Variants in KIN observed in about 807,000 individuals in gnomAD.
The protein encoded by KIN is DNA/RNA-binding protein KIN17.
A neutral mutation model predicts 63.0 loss-of-function variants in KIN; 47 were observed. The ratio of observed to expected loss-of-function variants is 0.75; its 90% CI spans 0.59 to 0.95. KIN has a LOEUF of 0.95. Among genes scored for constraint, KIN ranks in the 40% least tolerant of loss-of-function variants. The probability of loss-of-function intolerance (pLI) is 0.00; values close to 1 mark genes in which losing one functional copy is unlikely to be tolerated. For missense variants in KIN, 408 were observed against 460.9 expected (o/e 0.89, Z 1.05); for synonymous variants, 160 against 157.7 (o/e 1.01, Z -0.11).
In KIN at chr10:7,787,904, C is replaced by T; in HGVS notation, c.30G>A (p.Lys10=). The T allele has an allele frequency of 6.2e-7, 1 of 1,614,166 alleles. No individual in the cohort carries two copies. The highest frequency in any genetic ancestry group is 8.5e-7 in the Non-Finnish European group (1 of 1,179,952). Residue 10 remains lysine, a synonymous_variant, in exon 1 of 13, where the codon AAG becomes AAA. Coordinates refer to ENST00000379562, the MANE Select transcript of KIN (RefSeq NM_012311.4). ...TGGACTTGATCCTGTTGGCGATAGC[C>T]TTGGGAGTAAGAAAATCCGACTTCC... The part of the protein sequence containing the change: MGKSDFLTP[K]AIANRIKSKG...
At chr10:7,782,067 A>G (rs1021808090) in intron 2 of KIN, among the ~76,000 whole-genome samples, 1 of 152,150 alleles carries the variant, frequency 6.6e-6, no homozygotes, top group African/African-American at 2.4e-5. Flanking sequence ...CTCAATAATA[A>G]TAACAATAAT....
chr10:7,778,421 C>T (rs1375081121), intron 5 of KIN, among the ~76,000 whole-genome samples: 1 of 152,128 alleles, frequency 6.6e-6, no homozygotes, highest in Non-Finnish European at 1.5e-5. Context: ...AGGAACAGTG[C>T]CCACAGAACT....
intron 2 of KIN, among the ~76,000 whole-genome samples, chr10:7,780,677 A>G (rs1835878968): frequency 6.6e-6 from 1 of 152,218 alleles, no homozygotes; most frequent in South Asian, 2.1e-4. Flanking sequence ...CTGGGACTAC[A>G]GGCGTGAGCC....
intron 7 of KIN, among the ~76,000 whole-genome samples, 167 bp downstream of exon 7, chr10:7,774,663 TA>T (rs879220759): frequency 2.9e-3 from 387 of 134,198 alleles, no homozygotes; most frequent in Middle Eastern, 0.019. Context: ...CCCCATCTCT[TA>T]AAAAAAAAAA....
intron 8 of KIN, among the ~76,000 whole-genome samples, chr10:7,767,199 T>A (rs190136773): frequency 7.6e-4 from 116 of 152,276 alleles, no homozygotes; most frequent in Non-Finnish European, 1.2e-3. Flanking sequence ...TTGGCCCTCC[T>A]GGCTCTCTGA....
intron 8 of KIN, among the ~76,000 whole-genome samples, chr10:7,767,028 A>C (rs1357208639): frequency 1.4e-5 from 2 of 147,506 alleles, no homozygotes; most frequent in Non-Finnish European, 3.0e-5. Flanking sequence ...ATCTCAAAAA[A>C]AAAAAAAAAA....
At chr10:7,758,918 T>G (rs11255344) in intron 12 of KIN, among the ~76,000 whole-genome samples, 2 of 151,606 alleles carry the variant, frequency 1.3e-5, no homozygotes, top group Non-Finnish European at 2.9e-5. Context: ...TAGGTTAGCA[T>G]TGTCAGGATC....
chr10:7,775,253 A>G (rs955741043), intron 6 of KIN, among the ~76,000 whole-genome samples: 1 of 152,242 alleles, frequency 6.6e-6, no homozygotes, highest in Non-Finnish European at 1.5e-5. Context: ...TGTCTAATCC[A>G]ATCAACATAA....
Position 7,771,665 on chromosome 10 carries a change from G to A in KIN, c.669-2320C>T, listed in dbSNP as rs58409834. ...CCCGGCACTTTGGGAGGCTGAGACA[G>A]GTGGATCATTTGAGGTCAGGAGTTT... On this transcript the variant is annotated intron_variant, in intron 7 of 12. Coordinates refer to ENST00000379562, the MANE Select transcript of KIN (RefSeq NM_012311.4). Among the ~76,000 whole-genome samples, 70 of 152,264 alleles carry A rather than the reference G, an allele frequency of 4.6e-4. 4 individuals carry two copies. The East Asian group carries it at 0.013, about 29-fold the overall frequency.
intron 5 of KIN, among the ~76,000 whole-genome samples, chr10:7,778,125 A>G (rs1356790019): frequency 6.6e-6 from 1 of 152,070 alleles, no homozygotes; most frequent in African/African-American, 2.4e-5. Flanking sequence ...CTGGGGTTGT[A>G]TCCACCCTCA....
At chr10:7,767,831 C>T (rs554376760) in intron 8 of KIN, among the ~76,000 whole-genome samples, 5 of 147,240 alleles carry the variant, frequency 3.4e-5, no homozygotes, top group Admixed American at 1.4e-4. Flanking sequence ...TGCACTCCAG[C>T]CTGAGTGACA....
intron 5 of KIN, 129 bp from the exon 6 acceptor site, chr10:7,775,928 T>C: frequency 3.7e-6 from 2 of 535,338 alleles, no homozygotes; most frequent in Non-Finnish European, 6.6e-6. Flanking sequence ...AGATCCTAAT[T>C]AAGAAATTAC....
At chr10:7,764,533 T>C (rs1835500895) in intron 9 of KIN, among the ~76,000 whole-genome samples, 1 of 152,224 alleles carries the variant, frequency 6.6e-6, no homozygotes, top group Admixed American at 6.5e-5. Flanking sequence ...ATCAAAGAGA[T>C]GGTCAAGTAT....
Position 7,781,030 on chromosome 10 carries a change from G to C in KIN, c.210-723C>G, listed in dbSNP as rs1002649542. 5.9e-5 allele frequency among the ~76,000 whole-genome samples: 9 copies of C among 152,198 alleles called. 1 individual carries two copies. The highest frequency in any genetic ancestry group is 2.2e-4 in the African/African-American group (9 of 41,458). On this transcript the variant is annotated intron_variant, in intron 2 of 12. Coordinates refer to ENST00000379562, the MANE Select transcript of KIN (RefSeq NM_012311.4). ...CTCTGAGCTGGGTACACCGTATTAA[G>C]TGCTAGATAAACGTGGGTGAATAAG...
Position 7,753,101 on chromosome 10 carries a change from C to G in KIN, c.*2979G>C, listed in dbSNP as rs1835268639. The stretch of plus-strand genomic sequence containing the variant: ...CTTATGATACTTCAAAAATCAAAGT[C>G]TAATATGAGACCTGTTGTTAGTTAT... On this transcript the variant is annotated 3_prime_UTR_variant, in exon 13 of 13. Coordinates refer to ENST00000379562, the MANE Select transcript of KIN (RefSeq NM_012311.4). 2 of 152,132 alleles carry G rather than the reference C, an allele frequency of 1.3e-5. No individual in the cohort carries two copies. 9.4% of individuals were successfully genotyped at this position (152,132 alleles called of 1,614,324 possible).
chr10:7,778,593 T>A (rs187653383), intron 5 of KIN, among the ~76,000 whole-genome samples: 3 of 151,948 alleles, frequency 2.0e-5, no homozygotes, highest in Non-Finnish European at 2.9e-5. Context: ...ACAAAAATTA[T>A]CTGGGCGTGG....
chr10:7,758,465 G>C lies in KIN; in HGVS notation c.1119+1425C>G, dbSNP rs899992950. On this transcript the variant is annotated intron_variant, in intron 12 of 12. Coordinates refer to ENST00000379562, the MANE Select transcript of KIN (RefSeq NM_012311.4). ...TGCTGCTAAGTTCTACCTCAGTACA[G>C]AAGATGAAACTGGGTCTACAGTGCA... Among the ~76,000 whole-genome samples, 4 of 152,184 alleles carry C rather than the reference G, an allele frequency of 2.6e-5. No individual in the cohort carries two copies. In the East Asian group the frequency reaches 7.7e-4, roughly 29 times the overall value.
At position 7,758,992 on chromosome 10, in the gene KIN, C is replaced by T. The variant is rs569471157; in HGVS notation, c.1119+898G>A. ...AAATGAGAATTCTCTCAAATAAGGA[C>T]CTAAATGGTTTTTCCAGAAAACCTT... On this transcript the variant is annotated intron_variant, in intron 12 of 12. Transcript: ENST00000379562. Among the ~76,000 whole-genome samples the T allele has an allele frequency of 8.0e-4, 122 of 151,842 alleles. 1 individual carries two copies. The highest frequency in any genetic ancestry group is 1.6e-3 in the Non-Finnish European group (111 of 67,928).
At chr10:7,782,939 A>G (rs1474884688) in intron 2 of KIN, 142 bp downstream of exon 2, 7 of 413,080 alleles carry the variant, frequency 1.7e-5, no homozygotes, top group Non-Finnish European at 2.5e-5. Context: ...TTAATTTTCA[A>G]AAGAAGATAA....
Sources: allele counts gnomAD v4.1 joint callset (sites outside exome capture counted in the v4.1 genomes callset), GRCh38; gene constraint gnomAD v4.1.1; transcripts MANE v1.5; gene names NCBI Gene and HGNC (gene_info 2026-07-23, HGNC 2026-07-21).